Variants in SHISA6 observed in about 807,000 individuals in gnomAD.
SHISA6 encodes the protein protein shisa-6.
Under a neutral mutation model 47.9 loss-of-function variants are expected in SHISA6, and 22 were observed. The ratio of observed to expected loss-of-function variants is 0.46; its 90% CI spans 0.33 to 0.66. The LOEUF is 0.66. Among genes scored for constraint, SHISA6 ranks in the 30% least tolerant of loss-of-function variants. The pLI is 0.02. For missense variants in SHISA6, 680 were observed against 764.6 expected (o/e 0.89, Z 1.30); for synonymous variants, 388 against 337.8 (o/e 1.15, Z -1.63).
At chr17:11,441,835 G>A (rs554169931) in intron 3 of SHISA6, among the ~76,000 whole-genome samples, 2 of 152,202 alleles carry the variant, frequency 1.3e-5, no homozygotes, top group South Asian at 4.2e-4. Context: ...CTGACCCAGC[G>A]CTGCGAACTA....
At chr17:11,363,895 A>G (rs971778071) in intron 2 of SHISA6, among the ~76,000 whole-genome samples, 3 of 152,206 alleles carry the variant, frequency 2.0e-5, no homozygotes, top group African/African-American at 7.2e-5. Context: ...AAAAGTGGAT[A>G]TAAATCTGAC....
At chr17:11,517,681 T>C (rs1440711854) in intron 3 of SHISA6, among the ~76,000 whole-genome samples, 2 of 152,224 alleles carry the variant, frequency 1.3e-5, no homozygotes, top group East Asian at 3.9e-4. Context: ...TCTTTTTTTA[T>C]TGGTAGAGAC....
At chr17:11,329,638 TG>T (rs1029060117) in intron 2 of SHISA6, among the ~76,000 whole-genome samples, 1 of 152,100 alleles carries the variant, frequency 6.6e-6, no homozygotes, top group Non-Finnish European at 1.5e-5. Flanking sequence ...GGAAGAGCCT[TG>T]GGAACAAATA....
intron 3 of SHISA6, among the ~76,000 whole-genome samples, chr17:11,388,838 ATATT>A (rs1913292914): frequency 1.8e-5 from 2 of 109,604 alleles, no homozygotes; most frequent in Middle Eastern, 4.9e-3. Flanking sequence ...ATATATATAT[ATATT>A]TTAAAAAAGG....
chr17:11,297,215 T>C (rs1008668653), intron 2 of SHISA6, among the ~76,000 whole-genome samples: 5 of 151,812 alleles, frequency 3.3e-5, no homozygotes, highest in Non-Finnish European at 5.9e-5. Flanking sequence ...AGAGTAAGAG[T>C]TTGGAGATGG....
At chr17:11,329,265 A>T (rs1911017900) in intron 2 of SHISA6, among the ~76,000 whole-genome samples, 1 of 152,232 alleles carries the variant, frequency 6.6e-6, no homozygotes, top group African/African-American at 2.4e-5. Flanking sequence ...GGACTGCTGA[A>T]CATGGACACC....
In SHISA6 at chr17:11,241,386, G is replaced by A; in HGVS notation, c.-37G>A. 9.4e-7 allele frequency: 1 copy of A among 1,059,754 alleles called. No homozygotes were observed. Among genetic ancestry groups the A allele is most frequent in the Non-Finnish European group, 1.1e-6 (1 of 880,530 alleles). 65.6% of individuals were successfully genotyped at this position (1,059,754 alleles called of 1,614,324 possible). Reference sequence around the variant, plus strand: ...CGGCCCGCCGGGGGAGCGGCCTGCCGCGGAAGCCTCCCCGCGCCCTCCCGC... The same window carrying A: ...CGGCCCGCCGGGGGAGCGGCCTGCCACGGAAGCCTCCCCGCGCCCTCCCGC... On this transcript the variant is annotated 5_prime_UTR_variant, in exon 1 of 6. Coordinates refer to ENST00000441885, the MANE Select transcript of SHISA6 (RefSeq NM_207386.4). The surrounding 1 kb of genome is among the most constrained non-coding windows in gnomAD (Gnocchi z 5.5).
In SHISA6 at chr17:11,497,409, CG is replaced by C. The variant is rs1307307299; in HGVS notation, c.896-54484del. On this transcript the variant is annotated intron_variant, in intron 3 of 5. Coordinates refer to ENST00000441885, the MANE Select transcript of SHISA6 (RefSeq NM_207386.4). Reference sequence around the variant, plus strand: ...GGCTGTGGCAGGATCCAGTTGAAAACGGGAGGACCACTGAATAGACTACTAC... The same window carrying C: ...GGCTGTGGCAGGATCCAGTTGAAAACGGAGGACCACTGAATAGACTACTAC... Among the ~76,000 whole-genome samples, 7 of 152,022 alleles carry C rather than the reference CG, an allele frequency of 4.6e-5. No individual in the cohort carries two copies. The East Asian group carries it at 1.4e-3, about 29-fold the overall frequency.
At chr17:11,475,195 C>A (rs3111846) in intron 3 of SHISA6, among the ~76,000 whole-genome samples, 67,549 of 151,880 alleles carry the variant, frequency 0.44, 15,975 homozygotes, top group African/African-American at 0.61. Flanking sequence ...TGAATCTTCT[C>A]AATTTTCTAT....
intron 1 of SHISA6, among the ~76,000 whole-genome samples, chr17:11,253,109 C>T (rs1388859234): frequency 6.6e-6 from 1 of 152,186 alleles, no homozygotes; most frequent in Non-Finnish European, 1.5e-5. Flanking sequence ...AATGTTTCTT[C>T]GTGTCACTTT....
intron 3 of SHISA6, among the ~76,000 whole-genome samples, chr17:11,439,744 A>T (rs1299750932): frequency 6.6e-6 from 1 of 152,180 alleles, no homozygotes; most frequent in African/African-American, 2.4e-5. Flanking sequence ...CCTTTCTTCT[A>T]AGTAATCACA....
At chr17:11,539,469 TACATGCAAAC>T (rs1347175750) in intron 3 of SHISA6, among the ~76,000 whole-genome samples, 3 of 152,178 alleles carry the variant, frequency 2.0e-5, no homozygotes, top group African/African-American at 7.2e-5. Context: ...CAAACATCAA[TACATGCAAAC>T]ACATACATAT....
At chr17:11,446,036 C>T (rs562779306) in intron 3 of SHISA6, among the ~76,000 whole-genome samples, 222 of 152,276 alleles carry the variant, frequency 1.5e-3, no homozygotes, top group African/African-American at 5.0e-3. Flanking sequence ...CCATATTGGT[C>T]AGGCTGGTCT....
intron 2 of SHISA6, among the ~76,000 whole-genome samples, chr17:11,374,938 T>C (rs373169987): frequency 1.3e-5 from 2 of 152,156 alleles, no homozygotes; most frequent in African/African-American, 4.8e-5. Context: ...GGTTTGAATC[T>C]TGTCAGTCAT....
chr17:11,307,447 G>A lies in SHISA6; in HGVS notation c.799+43921G>A, dbSNP rs147143927. Among the ~76,000 whole-genome samples the A allele has an allele frequency of 3.2e-4, 49 of 152,254 alleles. No individual in the cohort carries two copies. The East Asian group carries it at 8.5e-3, about 26-fold the overall frequency. ...TCCAGTGTCAATTCTCCAGCTTATC[G>A]GAAGAGGAAAGCAAGAGGAAGGAAG... On this transcript the variant is annotated intron_variant, in intron 2 of 5. Transcript: ENST00000441885.
intron 2 of SHISA6, among the ~76,000 whole-genome samples, chr17:11,372,984 T>C (rs943450319): frequency 6.6e-6 from 1 of 151,966 alleles, no homozygotes; most frequent in Non-Finnish European, 1.5e-5. Flanking sequence ...TACACCAGAT[T>C]TTCTGGGGCA....
intron 3 of SHISA6, among the ~76,000 whole-genome samples, chr17:11,389,173 C>G (rs1913305319): frequency 6.6e-6 from 1 of 152,120 alleles, no homozygotes; most frequent in East Asian, 1.9e-4. Flanking sequence ...CACATTTGCC[C>G]TCAGGAGACT....
intron 3 of SHISA6, among the ~76,000 whole-genome samples, chr17:11,466,304 A>G (rs1915809321): frequency 1.3e-5 from 2 of 152,188 alleles, no homozygotes; most frequent in South Asian, 4.1e-4. Flanking sequence ...ACAGCTGCCC[A>G]TCCATGTGGA....
chr17:11,378,958 C>G (rs956207666), intron 2 of SHISA6, among the ~76,000 whole-genome samples: 7 of 151,528 alleles, frequency 4.6e-5, no homozygotes, highest in African/African-American at 1.7e-4. Flanking sequence ...AGTGGTGGGA[C>G]AAATAGACTA....
Sources: gnomAD v4.1 joint callset for allele counts (sites outside exome capture counted in the v4.1 genomes callset) on GRCh38, gnomAD v4.1.1 for gene constraint, Gnocchi (gnomAD v3.1) non-coding constraint, MANE v1.5 for transcripts, NCBI Gene and HGNC (gene_info 2026-07-23, HGNC 2026-07-21) for gene names.